FAN1: variants seen among roughly 807,000 people sequenced by gnomAD.
The protein encoded by FAN1 is FANCD2 and FANCI associated nuclease 1.
Under a neutral mutation model 104.9 loss-of-function variants are expected in FAN1, and 91 were observed. The ratio of observed to expected loss-of-function variants is 0.87; its 90% CI spans 0.73 to 1.03. FAN1 has a LOEUF of 1.03. Among genes scored for constraint, FAN1 ranks in the 50% least tolerant of loss-of-function variants. The probability of loss-of-function intolerance (pLI) is 0.00; values close to 1 mark genes in which losing one functional copy is unlikely to be tolerated. For synonymous variants in FAN1, 478 were observed against 457.6 expected (o/e 1.04, Z -0.57); for missense variants, 1,263 against 1,239.9 (o/e 1.02, Z -0.28).
chr15:30,918,082 G>A, intron 5 of FAN1, 82 bp from the exon 6 acceptor site: 2 of 1,382,264 alleles, frequency 1.4e-6, no homozygotes, highest in Non-Finnish European at 2.0e-6. Flanking sequence ...TTACCTTTCA[G>A]AGTGAGATCT....
At chr15:30,939,947 C>A in intron 14 of FAN1, 1 of 984,696 alleles carries the variant, frequency 1.0e-6, no homozygotes, top group African/African-American at 1.7e-5. Context: ...TTTTTAAGAA[C>A]TCCTGTCCTG....
Position 30,943,045 on chromosome 15 carries a change from A to G in FAN1, c.*1483A>G, listed in dbSNP as rs375756798. On this transcript the variant is annotated 3_prime_UTR_variant, in exon 15 of 15. Transcript: ENST00000362065. ...AATTTTAAGCCCTTCTCATCACCCA[A>G]TTGGATGTTTTTGCTTATAGCAAAT... The G allele has an allele frequency of 1.8e-4, 281 of 1,538,604 alleles. No homozygotes were observed. The highest frequency in any genetic ancestry group is 2.1e-4 in the Non-Finnish European group (242 of 1,143,700).
intron 8 of FAN1, among the ~76,000 whole-genome samples, chr15:30,924,213 T>A (rs2062404016): frequency 6.6e-6 from 1 of 152,224 alleles, no homozygotes; most frequent in South Asian, 2.1e-4. Context: ...ACTTCCACTG[T>A]AGCATCTGAT....
Position 30,905,098 on chromosome 15 carries a change from T to C in FAN1, c.435T>C (p.Arg145=), listed in dbSNP as rs2061944224. 6.2e-7 allele frequency: 1 copy of C among 1,613,918 alleles called. No individual in the cohort carries two copies. The highest frequency in any genetic ancestry group is 8.5e-7 in the Non-Finnish European group (1 of 1,179,972). The change falls in exon 2 of 15, where the codon CGT becomes CGC. Residue 145 remains arginine (R), a synonymous_variant. Coordinates refer to ENST00000362065, the MANE Select transcript of FAN1 (RefSeq NM_014967.5). ...AAAATCAAGATGAGCTGAGAAATCG[T>C]AGTGTGAAAGTCATTTGTTTGGGAA... ...VCKNQDELRN[R]SVKVICLGSL...
At chr15:30,920,978 T>A (rs2062316486) in intron 7 of FAN1, among the ~76,000 whole-genome samples, 1 of 152,180 alleles carries the variant, frequency 6.6e-6, no homozygotes, top group African/African-American at 2.4e-5. Context: ...GAGGTGAGAT[T>A]TCACCATGTT....
At chr15:30,931,679 A>G (rs1456622763) in intron 13 of FAN1, among the ~76,000 whole-genome samples, 1 of 152,198 alleles carries the variant, frequency 6.6e-6, no homozygotes, top group Non-Finnish European at 1.5e-5. Context: ...CAAGAAGACC[A>G]TGCTTCCTCC....
chr15:30,919,400 A>T (rs962658879), intron 6 of FAN1, among the ~76,000 whole-genome samples: 1 of 125,712 alleles, frequency 8.0e-6, no homozygotes, highest in Admixed American at 8.5e-5. Flanking sequence ...AAAAAAAAAA[A>T]TCATAAGGGG....
Position 30,929,292 on chromosome 15 carries a change from C to T in FAN1, c.2682C>T (p.Pro894=), listed in dbSNP as rs771016153. 38 of 1,612,858 alleles carry T rather than the reference C, an allele frequency of 2.4e-5. No homozygotes were observed. The highest frequency in any genetic ancestry group is 6.6e-5 in the South Asian group (6 of 90,906). The change falls in exon 12 of 15, where the codon CCC becomes CCT. Residue 894 remains proline, a synonymous_variant. Transcript: ENST00000362065. ...GGCTGCAGCTGATTCATGATGCCCC[C>T]GAGGAGAGCCTGCGGGCCTGGGTGG... The part of the protein sequence containing the change: ...EARLQLIHDA[P]EESLRAWVAA...
chr15:30,939,445 G>A, intron 14 of FAN1: 1 of 985,386 alleles, frequency 1.0e-6, no homozygotes, highest in Non-Finnish European at 1.2e-6. Context: ...GCTTCACCCT[G>A]GCCCGACTGA....
intron 8 of FAN1, among the ~76,000 whole-genome samples, chr15:30,924,158 A>G (rs115258315): frequency 7.2e-4 from 109 of 152,340 alleles, no homozygotes; most frequent in African/African-American, 2.5e-3. Flanking sequence ...CTTCACCCGC[A>G]TCGTGGCACA....
intron 6 of FAN1, among the ~76,000 whole-genome samples, chr15:30,920,108 G>A (rs1002375464): frequency 1.1e-4 from 16 of 152,202 alleles, no homozygotes; most frequent in African/African-American, 3.4e-4. Context: ...CAAGAAGTAC[G>A]TATGCAAATG....
At chr15:30,923,970 C>A (rs1459030245) in intron 8 of FAN1, among the ~76,000 whole-genome samples, 1 of 152,192 alleles carries the variant, frequency 6.6e-6, no homozygotes, top group Non-Finnish European at 1.5e-5. Context: ...AACAGAAACA[C>A]TGCAGCCATT....
intron 7 of FAN1, 111 bp from the exon 8 acceptor site, chr15:30,922,124 T>G (rs1327313054): frequency 5.1e-6 from 7 of 1,361,548 alleles, no homozygotes; most frequent in Non-Finnish European, 7.0e-6. Flanking sequence ...CATTGTAGAA[T>G]GGAAAGATAC....
chr15:30,908,328 C>T lies in FAN1; in HGVS notation c.1375+70C>T, dbSNP rs543551458. On this transcript the variant is annotated intron_variant, in intron 3 of 14. Transcript: ENST00000362065. ...GAACTGAGCTTCTGCAGAATGATGG[C>T]AGTATTATTATGGTGCCCTCCCCGG... 26 of 1,378,454 alleles carry T rather than the reference C, an allele frequency of 1.9e-5. No individual in the cohort carries two copies. In the African/African-American group the frequency reaches 3.4e-4, roughly 18 times the overall value. 85.4% of individuals were successfully genotyped at this position (1,378,454 alleles called of 1,614,324 possible).
chr15:30,904,840 C>T lies in FAN1; in HGVS notation c.177C>T (p.His59=), dbSNP rs756187284. Reference sequence around the variant, plus strand: ...TGCCTAGATATGACTTAAACCGGCACCTTGATGAAATGTGTGCTAACAATG... The same window carrying T: ...TGCCTAGATATGACTTAAACCGGCATCTTGATGAAATGTGTGCTAACAATG... ...KMVPRYDLNR[H]LDEMCANNDF... The change falls in exon 2 of 15, where the codon CAC becomes CAT. Residue 59 remains histidine, a synonymous_variant. Coordinates refer to ENST00000362065, the MANE Select transcript of FAN1 (RefSeq NM_014967.5). 1.2e-6 allele frequency: 2 copies of T among 1,613,190 alleles called. No homozygotes were observed. The highest frequency in any genetic ancestry group is 2.2e-5 in the East Asian group (1 of 44,858).
intron 10 of FAN1, chr15:30,927,359 A>G (rs1254287119): frequency 7.1e-6 from 7 of 985,360 alleles, no homozygotes; most frequent in African/African-American, 3.5e-5. Flanking sequence ...CTAGGAAGAA[A>G]AGTCCTCCTG....
chr15:30,934,698 T>A (rs2062805261), intron 13 of FAN1, among the ~76,000 whole-genome samples: 1 of 152,206 alleles, frequency 6.6e-6, no homozygotes, highest in South Asian at 2.1e-4. Context: ...TTTTAAAGAT[T>A]GCATTTGATA....
chr15:30,930,394 C>T, intron 12 of FAN1, 149 bp from the exon 13 acceptor site: 1 of 856,178 alleles, frequency 1.2e-6, no homozygotes, highest in South Asian at 2.3e-5. Flanking sequence ...AGCTCTGGTA[C>T]AAGCAGCAGA....
rs73381363 is a variant in FAN1 at position 30,925,626 on chromosome 15, C to G, written c.2338-163C>G. On this transcript the variant is annotated intron_variant, in intron 9 of 14. Coordinates refer to ENST00000362065, the MANE Select transcript of FAN1 (RefSeq NM_014967.5). ...GCTCTCCCAGGGCCGGACCAGCGAA[C>G]TGTCACATCCCCGCAGTTCTGCGTG... Among the ~76,000 whole-genome samples, 3,605 of 152,380 alleles carry G rather than the reference C, an allele frequency of 0.024. 140 individuals are homozygous for G. The highest frequency in any genetic ancestry group is 0.082 in the African/African-American group (3,420 of 41,582).
Sources: gnomAD v4.1 joint callset for allele counts (sites outside exome capture counted in the v4.1 genomes callset) on GRCh38, gnomAD v4.1.1 for gene constraint, MANE v1.5 for transcripts, NCBI Gene and HGNC (gene_info 2026-07-23, HGNC 2026-07-21) for gene names.